LPP: variants seen among roughly 807,000 people sequenced by gnomAD.
LPP encodes the protein LIM domain containing preferred translocation partner in lipoma.
Under a neutral mutation model 60.4 loss-of-function variants are expected in LPP, and 38 were observed. That is an observed-to-expected ratio of 0.63 (90% CI 0.49 to 0.83). The LOEUF (loss-of-function observed/expected upper bound fraction) is 0.83, where lower values mean the gene tolerates loss of function less well. Among genes scored for constraint, LPP ranks in the 40% least tolerant of loss-of-function variants. LPP has a pLI of 0.00. For missense variants in LPP, 902 were observed against 783.6 expected (o/e 1.15, Z -1.80); for synonymous variants, 328 against 290.8 (o/e 1.13, Z -1.30).
At chr3:188,416,804 G>C (rs1377357142) in intron 4 of LPP, among the ~76,000 whole-genome samples, 1 of 152,154 alleles carries the variant, frequency 6.6e-6, no homozygotes, top group African/African-American at 2.4e-5. Context: ...ACAAGCTTCT[G>C]CATTACAGAG....
chr3:188,866,816 T>C (rs1299441982), intron 10 of LPP, among the ~76,000 whole-genome samples: 1 of 152,194 alleles, frequency 6.6e-6, no homozygotes, highest in East Asian at 1.9e-4. Flanking sequence ...TCTCAAGAGC[T>C]AATCTGTGCA....
intron 8 of LPP, among the ~76,000 whole-genome samples, chr3:188,753,437 G>A (rs533744086): frequency 2.0e-4 from 30 of 152,056 alleles, no homozygotes; most frequent in East Asian, 3.9e-4. Context: ...GAATCACATC[G>A]TGGTTAGACT....
intron 4 of LPP, among the ~76,000 whole-genome samples, chr3:188,428,557 A>G (rs1361682405): frequency 8.7e-5 from 13 of 150,160 alleles, no homozygotes. Flanking sequence ...AAGTATTGTA[A>G]TGTAATTGCT....
At chr3:188,318,425 A>C (rs1239977850) in intron 2 of LPP, among the ~76,000 whole-genome samples, 1 of 151,954 alleles carries the variant, frequency 6.6e-6, no homozygotes, top group Non-Finnish European at 1.5e-5. Context: ...AAACAAAAAA[A>C]AAAAAGAAAA....
At chr3:188,537,715 T>C (rs571688616) in intron 6 of LPP, among the ~76,000 whole-genome samples, 1 of 152,310 alleles carries the variant, frequency 6.6e-6, no homozygotes, top group Non-Finnish European at 1.5e-5. Flanking sequence ...CCTATCAGAA[T>C]CTAAGCTGGC....
intron 5 of LPP, among the ~76,000 whole-genome samples, chr3:188,510,619 T>G (rs1815171310): frequency 6.6e-6 from 1 of 152,200 alleles, no homozygotes; most frequent in Non-Finnish European, 1.5e-5. Context: ...TATCAGCACC[T>G]TGGGTAAGAG....
intron 7 of LPP, among the ~76,000 whole-genome samples, chr3:188,703,298 A>G (rs1864850368): frequency 1.3e-5 from 2 of 152,240 alleles, no homozygotes; most frequent in Non-Finnish European, 2.9e-5. Flanking sequence ...GTTGCTTATT[A>G]ACAAATAAGT....
intron 9 of LPP, among the ~76,000 whole-genome samples, chr3:188,770,646 G>A (rs1430351961): frequency 6.6e-6 from 1 of 152,170 alleles, no homozygotes; most frequent in Non-Finnish European, 1.5e-5. Context: ...AGAGAAGAGA[G>A]TGTGTGTCCG....
chr3:188,588,527 G>A lies in LPP; in HGVS notation c.430-20634G>A, dbSNP rs550211937. Reference sequence around the variant, plus strand: ...AACAGAACAACTCTGGAGCCACAATGTGTAGATTCAGATACCAACAGTAGC... The same window carrying A: ...AACAGAACAACTCTGGAGCCACAATATGTAGATTCAGATACCAACAGTAGC... On this transcript the variant is annotated intron_variant, in intron 6 of 11. Transcript: ENST00000617246. Among the ~76,000 whole-genome samples the A allele has an allele frequency of 2.6e-5, 4 of 152,280 alleles. No individual in the cohort carries two copies. In the South Asian group the frequency reaches 8.3e-4, roughly 32 times the overall value.
At chr3:188,360,118 C>T (rs1303343743) in intron 3 of LPP, among the ~76,000 whole-genome samples, 1 of 152,170 alleles carries the variant, frequency 6.6e-6, no homozygotes, top group East Asian at 1.9e-4. Context: ...ACTTTCCCCC[C>T]TTCTGTTACA....
intron 6 of LPP, among the ~76,000 whole-genome samples, chr3:188,566,095 T>C (rs2150758878): frequency 6.6e-6 from 1 of 152,146 alleles, no homozygotes; most frequent in Non-Finnish European, 1.5e-5. Context: ...TTTAACTTTA[T>C]ATTCTCAATA....
intron 3 of LPP, among the ~76,000 whole-genome samples, chr3:188,393,027 C>T (rs1220133202): frequency 1.1e-5 from 1 of 90,498 alleles, no homozygotes; most frequent in African/African-American, 7.0e-5. Flanking sequence ...ATTTTAGACA[C>T]ATTTTTTTTT....
intron 7 of LPP, among the ~76,000 whole-genome samples, chr3:188,684,389 C>T (rs1004205730): frequency 6.6e-6 from 1 of 152,186 alleles, no homozygotes. Context: ...CACCTTTTTA[C>T]ATTATGAAAC....
chr3:188,683,198 G>A (rs1046962175), intron 7 of LPP, among the ~76,000 whole-genome samples: 1 of 151,886 alleles, frequency 6.6e-6, no homozygotes, highest in African/African-American at 2.4e-5. Context: ...AATTCACTTA[G>A]ACCAAGCATA....
chr3:188,645,510 A>G (rs1223114013), intron 7 of LPP, among the ~76,000 whole-genome samples: 1 of 152,114 alleles, frequency 6.6e-6, no homozygotes, highest in Non-Finnish European at 1.5e-5. Flanking sequence ...TCAAAATCAG[A>G]TGTTGTTATG....
intron 1 of LPP, among the ~76,000 whole-genome samples, chr3:188,167,694 G>C (rs1168847587): frequency 6.6e-6 from 1 of 150,744 alleles, no homozygotes; most frequent in Non-Finnish European, 1.5e-5. Flanking sequence ...TAGACCCAGT[G>C]TTTGCTGACT....
chr3:188,269,363 G>A (rs962902788), intron 2 of LPP, among the ~76,000 whole-genome samples: 1 of 152,088 alleles, frequency 6.6e-6, no homozygotes, highest in African/African-American at 2.4e-5. Context: ...TTCCTGCTCC[G>A]ATCATTCTTT....
chr3:188,804,243 T>TTTTATATATATATATATATA (rs1322626096), intron 9 of LPP, among the ~76,000 whole-genome samples: 2 of 37,698 alleles, frequency 5.3e-5, no homozygotes, highest in African/African-American at 2.3e-4. Context: ...TAGTGCATCT[T>TTTTATATATATATATATATA]TATATATATA....
intron 6 of LPP, among the ~76,000 whole-genome samples, chr3:188,552,525 G>A (rs1252999435): frequency 6.6e-6 from 1 of 152,140 alleles, no homozygotes; most frequent in Admixed American, 6.6e-5. Flanking sequence ...CAGTGCTGTA[G>A]GTCAGAATTC....
Sources: gnomAD v4.1 joint callset for allele counts (sites outside exome capture counted in the v4.1 genomes callset) on GRCh38, gnomAD v4.1.1 for gene constraint, MANE v1.5 for transcripts, NCBI Gene and HGNC (gene_info 2026-07-23, HGNC 2026-07-21) for gene names.